The following FGF14 variants were observed in gnomAD, a reference collection of about 807,000 sequenced individuals.
FGF14 encodes the protein fibroblast growth factor 14.
FGF14 carries 5 observed loss-of-function variants against 25.5 expected under a neutral mutation model. The observed-to-expected ratio is 0.20, with a 90% CI of 0.10 to 0.41. FGF14 has a LOEUF of 0.41. FGF14 is among the 10% of genes least tolerant of loss of function. FGF14 has a pLI of 1.00. For missense variants in FGF14, 222 were observed against 320.1 expected, an observed-to-expected ratio of 0.69 and a Z score of 2.34; for synonymous variants, 138 against 118.3, an observed-to-expected ratio of 1.17 and a Z score of -1.08.
At chr13:101,999,654 T>C (rs1370722542) in intron 1 of FGF14, among the ~76,000 whole-genome samples, 2 of 152,194 alleles carry the variant, frequency 1.3e-5, no homozygotes, top group East Asian at 3.9e-4. Context: ...CTATTCTTCA[T>C]GCATTATCCT....
rs181784458 is a variant in FGF14 at position 102,080,650 on chromosome 13, C to T, written c.209-205354G>A. On this transcript the variant is annotated intron_variant, in intron 1 of 4. Coordinates refer to the FGF14 transcript ENST00000376131. ...TTTTCAAAAGTGCTGTAAGTGATTA[C>T]AACCTAAAAGGATAAATGTTGGTGT... Among the ~76,000 whole-genome samples the T allele has an allele frequency of 2.0e-5, 3 of 152,312 alleles. No homozygotes were observed. The East Asian group carries it at 5.8e-4, about 29-fold the overall frequency.
At chr13:102,079,458 A>G (rs2043515650) in intron 1 of FGF14, among the ~76,000 whole-genome samples, 1 of 152,034 alleles carries the variant, frequency 6.6e-6, no homozygotes, top group African/African-American at 2.4e-5. Flanking sequence ...TTATTTATTT[A>G]TCTTTAGAGA....
At chr13:101,927,746 C>T (rs75248347) in intron 1 of FGF14, among the ~76,000 whole-genome samples, 6,081 of 152,162 alleles carry the variant, frequency 0.04, 426 homozygotes, top group African/African-American at 0.14. Context: ...CCTGCCTCTC[C>T]GGGGATCATT....
Position 101,711,393 on chromosome 13 carries a change from C to A in FGF14, c.*11438G>T, listed in dbSNP as rs2296909. 0.69 allele frequency: 104,276 copies of A among 152,216 alleles called. 35,764 individuals carry two copies. The highest frequency in any genetic ancestry group is 0.73 in the Admixed American group (11,233 of 15,286). The allele number at this position is 152,216 out of a possible 1,614,324, so 9.4% of individuals were successfully genotyped here. A position where few individuals can be genotyped will look rare whatever the true frequency, so the allele number is the denominator to read the frequency against. On this transcript the variant is annotated 3_prime_UTR_variant, in exon 5 of 5. Coordinates refer to ENST00000376143, the MANE Select transcript of FGF14 (RefSeq NM_004115.4). ...CACACTCACCCACCCACAACCTGTCCCACATCCCCAGAAAAGAGAAAGAGT... is the reference window on the plus strand; with the variant it reads ...CACACTCACCCACCCACAACCTGTCACACATCCCCAGAAAAGAGAAAGAGT...
intron 3 of FGF14, among the ~76,000 whole-genome samples, chr13:101,854,297 G>C (rs1422686333): frequency 6.6e-6 from 1 of 152,058 alleles, no homozygotes; most frequent in Non-Finnish European, 1.5e-5. Context: ...ATTTCTAAGA[G>C]TGATCCCAAA....
At chr13:101,808,610 TG>T (rs1462365095) in intron 3 of FGF14, among the ~76,000 whole-genome samples, 2 of 152,138 alleles carry the variant, frequency 1.3e-5, no homozygotes, top group African/African-American at 4.8e-5. Flanking sequence ...AAATATGACG[TG>T]GTAGCTATAA....
intron 4 of FGF14, 190 bp from the exon 5 acceptor site, chr13:101,723,157 C>T (rs764264601): frequency 1.5e-5 from 10 of 682,470 alleles, no homozygotes; most frequent in Non-Finnish European, 2.3e-5. Flanking sequence ...TTACTCCCTT[C>T]ACATTCTCTG....
chr13:101,895,472 T>G (rs886883738), intron 1 of FGF14, among the ~76,000 whole-genome samples: 1 of 152,118 alleles, frequency 6.6e-6, no homozygotes, highest in Non-Finnish European at 1.5e-5. Context: ...TTTTGCACAA[T>G]AAAAATACTT....
chr13:101,994,365 G>A (rs2139690411), intron 1 of FGF14, among the ~76,000 whole-genome samples: 1 of 152,040 alleles, frequency 6.6e-6, no homozygotes, highest in Non-Finnish European at 1.5e-5. Flanking sequence ...TTACAGCAAA[G>A]GTCTTGATAA....
intron 1 of FGF14, among the ~76,000 whole-genome samples, chr13:102,005,493 C>T (rs2039735510): frequency 6.6e-6 from 1 of 152,166 alleles, no homozygotes; most frequent in East Asian, 1.9e-4. Context: ...CTCCAATATG[C>T]TATGTATGTT....
chr13:101,757,059 T>C (rs2037716075), intron 3 of FGF14, among the ~76,000 whole-genome samples: 1 of 152,194 alleles, frequency 6.6e-6, no homozygotes, highest in African/African-American at 2.4e-5. Context: ...AGAGGAGTTA[T>C]AACACAAATG....
chr13:101,747,478 A>G (rs1459544891), intron 3 of FGF14, among the ~76,000 whole-genome samples: 1 of 151,942 alleles, frequency 6.6e-6, no homozygotes, highest in Non-Finnish European at 1.5e-5. Flanking sequence ...TTAAATGATG[A>G]CTCTCCTTCT....
rs1429535727 is a variant in FGF14 at position 101,720,763 on chromosome 13, A to ATGAC, written c.*2064_*2067dup. On this transcript the variant is annotated 3_prime_UTR_variant, in exon 5 of 5. Transcript: ENST00000376143. Reference sequence around the variant, plus strand: ...CCTGTTAAAAACAATAGGCTTCAAGATGACATAACACCAAATCAAAAATGA... The same window carrying ATGAC: ...CCTGTTAAAAACAATAGGCTTCAAGATGACTGACATAACACCAAATCAAAAATGA... The ATGAC allele has an allele frequency of 1.8e-4, 28 of 152,262 alleles. No individual in the cohort carries two copies. Among genetic ancestry groups the ATGAC allele is most frequent in the African/African-American group, 6.0e-4 (25 of 41,560 alleles). 9.4% of individuals were successfully genotyped at this position (152,262 alleles called of 1,614,324 possible). A position where few individuals can be genotyped will look rare whatever the true frequency, so the allele number is the denominator to read the frequency against.
intron 1 of FGF14, among the ~76,000 whole-genome samples, chr13:102,065,820 T>C (rs924318824): frequency 2.0e-5 from 3 of 152,094 alleles, no homozygotes; most frequent in African/African-American, 7.2e-5. Context: ...CATGGATAGT[T>C]ACTATGTATA....
At chr13:102,348,319 C>T (rs1265100186) in intron 1 of FGF14, among the ~76,000 whole-genome samples, 1 of 152,090 alleles carries the variant, frequency 6.6e-6, no homozygotes, top group Non-Finnish European at 1.5e-5. Context: ...AGATCAGCAG[C>T]CTTGGGAGAT....
At chr13:102,258,284 C>T (rs1289202497) in intron 1 of FGF14, among the ~76,000 whole-genome samples, 4 of 152,086 alleles carry the variant, frequency 2.6e-5, no homozygotes, top group Non-Finnish European at 2.9e-5. Context: ...CCATATCAAG[C>T]TGGGAGCACA....
intron 1 of FGF14, among the ~76,000 whole-genome samples, chr13:102,023,140 G>A (rs115419470): frequency 0.031 from 4,651 of 151,734 alleles, 103 homozygotes; most frequent in Non-Finnish European, 0.037. Flanking sequence ...CTAACTGATT[G>A]CCAGATGTCT....
chr13:101,877,116 T>C (rs894692143), intron 1 of FGF14, among the ~76,000 whole-genome samples: 2 of 152,152 alleles, frequency 1.3e-5, no homozygotes, highest in Non-Finnish European at 2.9e-5. Context: ...TTGAATTAAC[T>C]AGATCAGGCG....
rs145191569 is a variant in FGF14 at position 101,932,089 on chromosome 13, G to A, written c.209-56793C>T. Among the ~76,000 whole-genome samples, 264 of 152,202 alleles carry A rather than the reference G, an allele frequency of 1.7e-3. 1 individual carries two copies. The highest frequency in any genetic ancestry group is 6.1e-3 in the African/African-American group (253 of 41,542). On this transcript the variant is annotated intron_variant, in intron 1 of 4. Transcript: ENST00000376131. ...ATCTTTTCAAAGATTTTGTGGAAAC[G>A]CATTTCTTTCATATGCTGACCTGCA...
Sources: allele counts gnomAD v4.1 joint callset (sites outside exome capture counted in the v4.1 genomes callset), GRCh38; gene constraint gnomAD v4.1.1; transcripts MANE v1.5; gene names NCBI Gene and HGNC (gene_info 2026-07-23, HGNC 2026-07-21).